The following SEC23A variants were observed in gnomAD, a reference collection of about 807,000 sequenced individuals.
The protein encoded by SEC23A is SEC23 homolog A, COPII component.
SEC23A carries 56 observed loss-of-function variants against 103.7 expected under a neutral mutation model. The observed-to-expected ratio is 0.54, with a 90% confidence interval of 0.44 to 0.67. The LOEUF is 0.67. Ranked by LOEUF, SEC23A falls within the 30% of genes least tolerant of loss-of-function variation. The probability of loss-of-function intolerance (pLI) is 0.00; values close to 1 mark genes in which losing one functional copy is unlikely to be tolerated. For missense variants in SEC23A, 784 were observed against 936.4 expected (o/e 0.84, Z 2.12); for synonymous variants, 281 against 293.0 (o/e 0.96, Z 0.42).
chr14:39,052,016 TG>T (rs1200467931), intron 14 of SEC23A, among the ~76,000 whole-genome samples: 1 of 149,560 alleles, frequency 6.7e-6, no homozygotes, highest in Non-Finnish European at 1.5e-5. Context: ...GGGACACAGA[TG>T]GAATTGGAAG....
At chr14:39,070,749 G>GGACA (rs74753847) in intron 9 of SEC23A, among the ~76,000 whole-genome samples, 20,263 of 152,134 alleles carry the variant, frequency 0.13, 1,405 homozygotes, top group Middle Eastern at 0.18. Flanking sequence ...AAACAGGGCT[G>GGACA]GACACGGTAG....
chr14:39,091,381 A>C (rs1594482802), intron 5 of SEC23A, 96 bp downstream of exon 5: 1 of 811,880 alleles, frequency 1.2e-6, no homozygotes, highest in East Asian at 2.6e-5. Flanking sequence ...TTAGTTATTC[A>C]TAATAAAAAT....
intron 12 of SEC23A, among the ~76,000 whole-genome samples, chr14:39,062,780 A>C (rs540164503): frequency 6.6e-6 from 1 of 152,208 alleles, no homozygotes; most frequent in African/African-American, 2.4e-5. Flanking sequence ...TTTGTGGTTC[A>C]TTTTATGGCT....
chr14:39,058,516 C>A (rs1886330041), intron 13 of SEC23A, among the ~76,000 whole-genome samples: 1 of 152,028 alleles, frequency 6.6e-6, no homozygotes, highest in African/African-American at 2.4e-5. Context: ...ACCTTGTTAG[C>A]CAGGATGGTC....
chr14:39,076,662 G>A (rs1481224486), intron 7 of SEC23A, among the ~76,000 whole-genome samples: 5 of 151,872 alleles, frequency 3.3e-5, no homozygotes, highest in Non-Finnish European at 5.9e-5. Context: ...GTGGTGGCTC[G>A]CACTTGTAAT....
At chr14:39,066,688 C>G (rs778647095) in intron 10 of SEC23A, among the ~76,000 whole-genome samples, 2 of 151,940 alleles carry the variant, frequency 1.3e-5, no homozygotes, top group East Asian at 3.9e-4. Flanking sequence ...AACATGGTGA[C>G]ACTGCGTCTC....
chr14:39,076,604 G>C (rs1887031605), intron 7 of SEC23A, among the ~76,000 whole-genome samples: 2 of 151,296 alleles, frequency 1.3e-5, no homozygotes, highest in East Asian at 3.9e-4. Context: ...TTTTGTTTTT[G>C]ATGTTTAGAA....
intron 19 of SEC23A, among the ~76,000 whole-genome samples, chr14:39,035,824 T>TA (rs1245747807): frequency 6.6e-6 from 1 of 152,116 alleles, no homozygotes; most frequent in Non-Finnish European, 1.5e-5. Flanking sequence ...AGCAATGCCA[T>TA]AAAAAATGGA....
intron 17 of SEC23A, 77 bp downstream of exon 17, chr14:39,042,709 A>G (rs763224522): frequency 7.8e-5 from 68 of 875,152 alleles, no homozygotes; most frequent in Non-Finnish European, 1.1e-4. Flanking sequence ...AACACTAGCC[A>G]TACAATTAGA....
In SEC23A at chr14:39,050,808, G is replaced by GAAGAAAGAAAGA. The variant is rs3064945; in HGVS notation, c.1660-2091_1660-2080dup. 5.3e-3 allele frequency among the ~76,000 whole-genome samples: 794 copies of GAAGAAAGAAAGA among 150,714 alleles called. 7 individuals carry two copies. Among genetic ancestry groups the GAAGAAAGAAAGA allele is most frequent in the East Asian group, 0.013 (66 of 5,058 alleles). On this transcript the variant is annotated intron_variant, in intron 14 of 19. Transcript: ENST00000307712. ...CCCATCTCAAAAGAAGGAAAGAAAG[G>GAAGAAAGAAAGA]AAGAAAGAAAGAAAGAAAGAAAGAG... is the stretch of plus-strand genomic sequence containing the variant.
chr14:39,056,279 C>G (rs1213101520), intron 13 of SEC23A, among the ~76,000 whole-genome samples: 1 of 152,150 alleles, frequency 6.6e-6, no homozygotes, highest in Non-Finnish European at 1.5e-5. Context: ...GTTCTACTTA[C>G]TAGTCTCTCC....
At chr14:39,041,961 T>A (rs1227974796) in intron 17 of SEC23A, among the ~76,000 whole-genome samples, 1 of 151,796 alleles carries the variant, frequency 6.6e-6, no homozygotes, top group Admixed American at 6.6e-5. Context: ...TTTCTAAAAA[T>A]TTTTTTGTAG....
At chr14:39,080,802 G>GA (rs1174805999) in intron 7 of SEC23A, among the ~76,000 whole-genome samples, 4 of 151,684 alleles carry the variant, frequency 2.6e-5, no homozygotes, top group African/African-American at 7.3e-5. Flanking sequence ...AACTTTATAG[G>GA]AAAAAATACA....
At chr14:39,095,755 C>T in intron 2 of SEC23A, 143 bp downstream of exon 2, 1 of 664,638 alleles carries the variant, frequency 1.5e-6, no homozygotes, top group East Asian at 2.7e-5. Flanking sequence ...TAAAATTTTA[C>T]AGCTCTCTGG....
intron 9 of SEC23A, among the ~76,000 whole-genome samples, chr14:39,069,441 C>G (rs967460631): frequency 6.6e-6 from 1 of 152,108 alleles, no homozygotes; most frequent in Non-Finnish European, 1.5e-5. Context: ...TATTTCTCAA[C>G]ATCACAGGTA....
chr14:39,047,501 C>G, intron 15 of SEC23A: 1 of 732,958 alleles, frequency 1.4e-6, no homozygotes, highest in Non-Finnish European at 1.9e-6. Context: ...AAAACAAAAA[C>G]AACAACAACA....
At chr14:39,046,758 G>A (rs1885852501) in intron 15 of SEC23A, among the ~76,000 whole-genome samples, 1 of 152,162 alleles carries the variant, frequency 6.6e-6, no homozygotes, top group African/African-American at 2.4e-5. Flanking sequence ...ATCAAAAAGA[G>A]GGAGAGTTAG....
chr14:39,098,124 A>G (rs540021999), intron 1 of SEC23A, among the ~76,000 whole-genome samples: 2 of 152,196 alleles, frequency 1.3e-5, no homozygotes, highest in African/African-American at 2.4e-5. Flanking sequence ...AGGTAAATAT[A>G]GAAGGCAGCT....
chr14:39,079,989 A>G (rs1049333738), intron 7 of SEC23A, among the ~76,000 whole-genome samples: 1 of 152,078 alleles, frequency 6.6e-6, no homozygotes, highest in African/African-American at 2.4e-5. Flanking sequence ...TAACAAAAAT[A>G]CTCTCTTCAT....
Sources: allele counts gnomAD v4.1 joint callset (sites outside exome capture counted in the v4.1 genomes callset), GRCh38; gene constraint gnomAD v4.1.1; transcripts MANE v1.5; gene names NCBI Gene and HGNC (gene_info 2026-07-23, HGNC 2026-07-21).